MYCBP2: variants seen among roughly 807,000 people sequenced by gnomAD.
MYCBP2 encodes the protein E3 ubiquitin-protein ligase MYCBP2.
Under a neutral mutation model 525.3 loss-of-function variants are expected in MYCBP2, and 120 were observed. That is an observed-to-expected ratio of 0.23 (90% CI 0.20 to 0.27). The LOEUF (loss-of-function observed/expected upper bound fraction) is 0.27, where lower values mean the gene tolerates loss of function less well. Among genes scored for constraint, MYCBP2 ranks in the 10% least tolerant of loss-of-function variants. The pLI is 1.00. For missense variants in MYCBP2, 4,149 were observed against 5,657.1 expected (o/e 0.73, Z 8.55); for synonymous variants, 1,894 against 1,955.8 (o/e 0.97, Z 0.83).
In MYCBP2 at chr13:77,257,753, C is replaced by A; in HGVS notation, c.2094G>T (p.Lys698Asn). ...CACCAAATGTCCACACCTCTCCATT[C>A]TTCATTAAAACACAAGTGTGAGCTT... ...MGKAHTCVLM[K>N]NGEVWTFGVN... Residue 698 changes from lysine to asparagine, a missense_variant, in exon 14 of 83, where the codon AAG becomes AAT. This residue lies in a region of MYCBP2 where 262 missense variants were observed against 419.3 expected (regional missense o/e 0.62). Coordinates refer to ENST00000544440, the MANE Select transcript of MYCBP2 (RefSeq NM_015057.5). 1.2e-6 allele frequency: 2 copies of A among 1,613,514 alleles called. No homozygotes were observed. Among genetic ancestry groups the A allele is most frequent in the Non-Finnish European group, 1.7e-6 (2 of 1,179,740 alleles).
intron 2 of MYCBP2, among the ~76,000 whole-genome samples, chr13:77,294,133 T>TATATAC (rs1555465859): frequency 2.4e-5 from 3 of 127,270 alleles, no homozygotes; most frequent in African/African-American, 8.4e-5. Context: ...TATATATACA[T>TATATAC]ATATATATAC....
At chr13:77,272,958 G>A (rs936387597) in intron 5 of MYCBP2, among the ~76,000 whole-genome samples, 3 of 152,118 alleles carry the variant, frequency 2.0e-5, no homozygotes, top group Non-Finnish European at 2.9e-5. Flanking sequence ...CCACTAAAAT[G>A]GTGATGAGCT....
At chr13:77,276,937 T>C (rs2075686182) in intron 4 of MYCBP2, among the ~76,000 whole-genome samples, 1 of 148,010 alleles carries the variant, frequency 6.8e-6, no homozygotes, top group Non-Finnish European at 1.5e-5. Context: ...ATTACAGGCA[T>C]AAGCCACCAC....
chr13:77,215,477 T>G (rs2064690959), intron 21 of MYCBP2, among the ~76,000 whole-genome samples: 1 of 152,320 alleles, frequency 6.6e-6, no homozygotes, highest in East Asian at 1.9e-4. Context: ...TATATTGATA[T>G]TGTTGAGAGG....
rs184092057 is a variant in MYCBP2 at position 77,278,966 on chromosome 13, T to C, written c.595-55A>G. ...TATGACATGTAAGCTAGTAACACTT[T>C]CTAAGCAGTTTAGTTGGTACAAGTT... On this transcript the variant is annotated intron_variant, in intron 3 of 82. Transcript: ENST00000544440. The C allele has an allele frequency of 8.1e-5, 107 of 1,318,520 alleles. No homozygotes were observed. The Admixed American group carries it at 1.1e-3, about 14-fold the overall frequency. 81.7% of individuals were successfully genotyped at this position (1,318,520 alleles called of 1,614,324 possible). A position where few individuals can be genotyped will look rare whatever the true frequency, so the allele number is the denominator to read the frequency against.
chr13:77,059,539 G>T lies in MYCBP2; in HGVS notation c.13124C>A (p.Ser4375Tyr). Reference protein sequence around the residue: ...TELSAVGSVCSDADCQEYAKI... With the variant: ...TELSAVGSVCYDADCQEYAKI... ...TATACTCACCTGGCAATCTGCATCA[G>T]AACAAACACTGCCAACAGCAGATAA... is the stretch of plus-strand genomic sequence containing the variant. The change falls in exon 77 of 83, where the codon TCT (serine) becomes TAT (tyrosine). Residue 4375 changes from serine to tyrosine, a missense_variant. By Grantham distance (144) the Ser-to-Tyr change is moderately radical. Transcript: ENST00000544440. The T allele has an allele frequency of 6.2e-7, 1 of 1,613,664 alleles. No homozygotes were observed. Among genetic ancestry groups the T allele is most frequent in the Non-Finnish European group, 8.5e-7 (1 of 1,179,628 alleles).
chr13:77,051,692 C>A (rs929476474), intron 81 of MYCBP2, 119 bp downstream of exon 81: 1 of 665,348 alleles, frequency 1.5e-6, no homozygotes, highest in South Asian at 2.5e-5. Flanking sequence ...CAACACTGAA[C>A]AAATATCAGA....
chr13:77,176,850 T>C (rs1473294212), intron 35 of MYCBP2, among the ~76,000 whole-genome samples: 2 of 152,302 alleles, frequency 1.3e-5, no homozygotes, highest in East Asian at 1.9e-4. Flanking sequence ...TCTCATCTGA[T>C]GACTTAAACT....
intron 1 of MYCBP2, among the ~76,000 whole-genome samples, chr13:77,313,119 A>G (rs1468718952): frequency 6.6e-6 from 1 of 152,094 alleles, no homozygotes; most frequent in East Asian, 1.9e-4. Context: ...ACCATATCTG[A>G]AAGTTGTAAT....
intron 18 of MYCBP2, among the ~76,000 whole-genome samples, chr13:77,232,125 TGACA>T (rs1452150399): frequency 6.6e-6 from 1 of 152,150 alleles, no homozygotes; most frequent in Non-Finnish European, 1.5e-5. Flanking sequence ...AGTGGCAAAC[TGACA>T]GACTGAAAGA....
chr13:77,282,432 G>T (rs1053231784), intron 3 of MYCBP2, among the ~76,000 whole-genome samples: 4 of 148,584 alleles, frequency 2.7e-5, no homozygotes, highest in African/African-American at 9.9e-5. Context: ...AAAAAAGAAA[G>T]AAAGTATGAG....
intron 20 of MYCBP2, among the ~76,000 whole-genome samples, chr13:77,219,264 C>T (rs926813005): frequency 2.6e-5 from 4 of 152,038 alleles, no homozygotes; most frequent in African/African-American, 9.7e-5. Context: ...AAATAAAGTA[C>T]ATGCCAAATG....
chr13:77,313,965 A>G lies in MYCBP2; in HGVS notation c.302+12509T>C, dbSNP rs185321922. Among the ~76,000 whole-genome samples the G allele has an allele frequency of 1.7e-3, 255 of 152,210 alleles. 4 individuals are homozygous for G. The highest frequency in any genetic ancestry group is 5.4e-3 in the African/African-American group (226 of 41,536). On this transcript the variant is annotated intron_variant, in intron 1 of 82. Coordinates refer to ENST00000544440, the MANE Select transcript of MYCBP2 (RefSeq NM_015057.5). ...AAAAAAAAACGAGATTCTACTACAC[A>G]CCTATCAGAATGGCCAAAATCCAGA...
At chr13:77,309,941 A>G (rs1433931768) in intron 1 of MYCBP2, among the ~76,000 whole-genome samples, 1 of 152,050 alleles carries the variant, frequency 6.6e-6, no homozygotes, top group Non-Finnish European at 1.5e-5. Context: ...GTGAAATCCC[A>G]TCTCTACTAA....
At chr13:77,163,550 T>C (rs755645273) in intron 43 of MYCBP2, among the ~76,000 whole-genome samples, 13 of 152,154 alleles carry the variant, frequency 8.5e-5, no homozygotes, top group Non-Finnish European at 1.9e-4. Context: ...TCAGTAAGCA[T>C]TTTTACTTTC....
chr13:77,117,234 AT>A (rs2049933715), intron 55 of MYCBP2, among the ~76,000 whole-genome samples: 2 of 152,074 alleles, frequency 1.3e-5, no homozygotes, highest in South Asian at 2.1e-4. Context: ...TTTCTTTGAA[AT>A]TCTTCTCTTA....
intron 55 of MYCBP2, among the ~76,000 whole-genome samples, chr13:77,109,270 T>C (rs2154142592): frequency 1.3e-5 from 2 of 152,272 alleles, no homozygotes; most frequent in African/African-American, 4.8e-5. Context: ...CTGCTCCACC[T>C]CAGATCATCA....
At chr13:77,306,490 G>T (rs79265272) in intron 1 of MYCBP2, among the ~76,000 whole-genome samples, 6,401 of 152,168 alleles carry the variant, frequency 0.042, 160 homozygotes, top group Admixed American at 0.07. Flanking sequence ...CACATGGGGG[G>T]AGGACTATAA....
chr13:77,185,108 C>G lies in MYCBP2; in HGVS notation c.4714G>C (p.Asp1572His). 6.2e-7 allele frequency: 1 copy of G among 1,612,982 alleles called. No homozygotes were observed. The highest frequency in any genetic ancestry group is 1.1e-5 in the South Asian group (1 of 90,924). Reference sequence around the variant, plus strand: ...ATTTTACAAACTTAAATTACCTGATCCAAACAATTCAGCAGATCACAAAGG... The same window carrying G: ...ATTTTACAAACTTAAATTACCTGATGCAAACAATTCAGCAGATCACAAAGG... ...ACLCDLLNCL[D>H]QDIQEANFKT... Residue 1572 changes from aspartate (D) to histidine (H), a missense_variant, in exon 32 of 83, where the codon GAT (aspartate) becomes CAT (histidine). Asp to His is a moderately conservative substitution (Grantham distance 81). This residue lies in a region of MYCBP2 where 292 missense variants were observed against 330.5 expected (regional missense o/e 0.88). Coordinates refer to ENST00000544440, the MANE Select transcript of MYCBP2 (RefSeq NM_015057.5).
Sources: allele counts gnomAD v4.1 joint callset (sites outside exome capture counted in the v4.1 genomes callset), GRCh38; gene constraint gnomAD v4.1.1; regional missense constraint gnomAD v4.1.1; transcripts MANE v1.5; gene names NCBI Gene and HGNC (gene_info 2026-07-23, HGNC 2026-07-21).